Variants in FOXP2 observed in about 807,000 individuals in gnomAD.
The protein encoded by FOXP2 is forkhead box P2, also known as forkhead box protein P2.
Under a neutral mutation model 115.8 loss-of-function variants are expected in FOXP2, and 12 were observed. The observed-to-expected ratio is 0.10, with a 90% confidence interval of 0.07 to 0.17. The LOEUF (loss-of-function observed/expected upper bound fraction) is 0.17, where lower values mean the gene tolerates loss of function less well. FOXP2 is among the 10% of genes least tolerant of loss of function. The pLI is 1.00. For missense variants in FOXP2, 629 were observed against 843.5 expected (o/e 0.75, Z 3.15); for synonymous variants, 328 against 297.7 (o/e 1.10, Z -1.05).
At chr7:114,641,721 A>G (rs1225133143) in intron 6 of FOXP2, among the ~76,000 whole-genome samples, 1 of 151,958 alleles carries the variant, frequency 6.6e-6, no homozygotes, top group Non-Finnish European at 1.5e-5. Flanking sequence ...AACAAACCTT[A>G]ATACTAGCAA....
intron 2 of FOXP2, among the ~76,000 whole-genome samples, chr7:114,383,597 T>A (rs1315647983): frequency 6.6e-6 from 1 of 152,216 alleles, no homozygotes; most frequent in Non-Finnish European, 1.5e-5. Context: ...AAAAGAGGTC[T>A]AGCTGTAAGA....
chr7:114,304,955 A>G (rs1315416879), intron 2 of FOXP2, among the ~76,000 whole-genome samples: 2 of 152,148 alleles, frequency 1.3e-5, no homozygotes, highest in Non-Finnish European at 2.9e-5. Flanking sequence ...TAAGCTAGAT[A>G]TATCATATAT....
At chr7:114,372,148 A>C (rs1188964429) in intron 2 of FOXP2, among the ~76,000 whole-genome samples, 1 of 152,220 alleles carries the variant, frequency 6.6e-6, no homozygotes, top group Non-Finnish European at 1.5e-5. Context: ...GCTAGTAAAC[A>C]GTAGATAAAG....
Position 114,587,879 on chromosome 7 carries a change from A to ATATATATATATATAAAGGTGCC in FOXP2, c.259-40661_259-40660insTATATATATATATAAAGGTGCC. Among the ~76,000 whole-genome samples the ATATATATATATATAAAGGTGCC allele has an allele frequency of 3.6e-4, 28 of 76,874 alleles. 7 individuals are homozygous for ATATATATATATATAAAGGTGCC. In the South Asian group the frequency reaches 5.9e-3, roughly 16 times the overall value. 50.4% of individuals were successfully genotyped at this position (76,874 alleles called of 152,430 possible). ...CTAATTGGGTGAATAAGAGATAATT[A>ATATATATATATATAAAGGTGCC]AATCCACCTTTCTTAGTGCCTTATT... On this transcript the variant is annotated intron_variant, in intron 3 of 16. Transcript: ENST00000350908.
chr7:114,428,619 C>G (rs532369028), intron 2 of FOXP2, among the ~76,000 whole-genome samples: 3 of 151,428 alleles, frequency 2.0e-5, no homozygotes, highest in South Asian at 4.2e-4. Flanking sequence ...ATGCAAAAAC[C>G]TTTGTAAATA....
intron 16 of FOXP2, 101 bp from the exon 17 acceptor site, chr7:114,689,681 G>A: frequency 8.6e-7 from 1 of 1,162,126 alleles, no homozygotes; most frequent in Non-Finnish European, 1.3e-6. Context: ...ACAATGTTGT[G>A]TCTTCTTGCC....
chr7:114,231,344 C>G (rs140839044), intron 1 of FOXP2, among the ~76,000 whole-genome samples: 1 of 152,100 alleles, frequency 6.6e-6, no homozygotes, highest in East Asian at 1.9e-4. Flanking sequence ...AATCCCAATG[C>G]ATTTGTTACA....
intron 1 of FOXP2, among the ~76,000 whole-genome samples, chr7:114,147,647 C>T (rs1333894268): frequency 6.6e-6 from 1 of 152,038 alleles, no homozygotes; most frequent in East Asian, 1.9e-4. Flanking sequence ...ATGAAATGAT[C>T]ATTTGATACT....
At chr7:114,216,329 G>A (rs192001916) in intron 1 of FOXP2, among the ~76,000 whole-genome samples, 53 of 151,974 alleles carry the variant, frequency 3.5e-4, no homozygotes, top group African/African-American at 1.1e-3. Flanking sequence ...TTTTCTGTTC[G>A]GCATTTATGA....
chr7:114,196,430 GATTATTAAACTATATTGGAGAAAA>G (rs1298399817), intron 1 of FOXP2, among the ~76,000 whole-genome samples: 1 of 152,150 alleles, frequency 6.6e-6, no homozygotes, highest in African/African-American at 2.4e-5. Flanking sequence ...CAAACCTGGT[GATTATTAAACTATATTGGAGAAAA>G]ATTATTAAAC....
intron 2 of FOXP2, among the ~76,000 whole-genome samples, chr7:114,435,161 A>G (rs1794283356): frequency 6.6e-6 from 1 of 152,194 alleles, no homozygotes; most frequent in Admixed American, 6.6e-5. Context: ...TTGAAAATAA[A>G]TGGTTGTTGA....
At chr7:114,499,296 G>A (rs959134840) in intron 2 of FOXP2, 4 of 175,232 alleles carry the variant, frequency 2.3e-5, no homozygotes, top group Admixed American at 1.8e-4. Context: ...TAAGTACAGG[G>A]TTATTGCTGA....
At chr7:114,466,963 G>T (rs1192090812) in intron 2 of FOXP2, among the ~76,000 whole-genome samples, 2 of 152,172 alleles carry the variant, frequency 1.3e-5, no homozygotes, top group African/African-American at 4.8e-5. Context: ...TGAGATTGTT[G>T]TTGCTAATGT....
intron 2 of FOXP2, among the ~76,000 whole-genome samples, chr7:114,523,334 A>C (rs895269189): frequency 5.0e-4 from 76 of 152,204 alleles, no homozygotes; most frequent in African/African-American, 1.8e-3. Flanking sequence ...TCTCTTTTAG[A>C]TGTTCTGAGC....
At chr7:114,545,395 T>C (rs1328952034) in intron 3 of FOXP2, among the ~76,000 whole-genome samples, 3 of 152,226 alleles carry the variant, frequency 2.0e-5, no homozygotes, top group Non-Finnish European at 2.9e-5. Context: ...CTGATCAGCC[T>C]TTTCAGGATC....
rs1175272797 is a variant in FOXP2, at chr7:114,321,215, A to ATTTT, written c.-11+33107_-11+33108insTTTT. Among the ~76,000 whole-genome samples the ATTTT allele has an allele frequency of 5.5e-5, 8 of 145,962 alleles. No individual in the cohort carries two copies. The Admixed American group carries it at 5.6e-4, about 10-fold the overall frequency. ...TATTTATTTATTTATTTATTTATTTATGAGACAGAGTCTTGCTCTGTTGCC... is the reference window on the plus strand; with the variant it reads ...TATTTATTTATTTATTTATTTATTTATTTTTGAGACAGAGTCTTGCTCTGTTGCC... On this transcript the variant is annotated intron_variant, in intron 2 of 17. Coordinates refer to the FOXP2 transcript ENST00000634411.
At chr7:114,652,325 G>C in intron 9 of FOXP2, 35 bp downstream of exon 9, 1 of 1,589,402 alleles carries the variant, frequency 6.3e-7, no homozygotes, top group Non-Finnish European at 8.6e-7. Context: ...ACTCTTCTTA[G>C]ATTTCTGGTG....
chr7:114,153,714 A>G (rs567311547), intron 1 of FOXP2, among the ~76,000 whole-genome samples: 1 of 152,148 alleles, frequency 6.6e-6, no homozygotes, highest in East Asian at 1.9e-4. Context: ...TCTCATCAAG[A>G]TTTGTAGGCA....
intron 1 of FOXP2, among the ~76,000 whole-genome samples, chr7:114,211,273 T>C (rs1362824067): frequency 6.6e-6 from 1 of 152,208 alleles, no homozygotes; most frequent in Non-Finnish European, 1.5e-5. Context: ...TGGGTCTCTG[T>C]GTACCTGAGC....
Sources: allele counts gnomAD v4.1 joint callset (sites outside exome capture counted in the v4.1 genomes callset), GRCh38; gene constraint gnomAD v4.1.1; transcripts MANE v1.5; gene names NCBI Gene and HGNC (gene_info 2026-07-23, HGNC 2026-07-21).